The following UGT2B7 variants were observed in gnomAD, a reference collection of about 807,000 sequenced individuals.
UGT2B7 encodes the protein UDP-glucuronosyltransferase 2B7.
UGT2B7 carries 51 observed loss-of-function variants against 51.9 expected under a neutral mutation model. The ratio of observed to expected loss-of-function variants is 0.98; its 90% CI spans 0.78 to 1.24. The LOEUF (loss-of-function observed/expected upper bound fraction) is 1.24, where lower values mean the gene tolerates loss of function less well. UGT2B7 is among the 50% of genes most tolerant of loss of function. The pLI, the probability that UGT2B7 is intolerant of heterozygous loss-of-function variation, is 0.00. For missense variants in UGT2B7, 727 were observed against 628.4 expected, an observed-to-expected ratio of 1.16 and a Z score of -1.68; for synonymous variants, 225 against 211.6, an observed-to-expected ratio of 1.06 and a Z score of -0.55.
At chr4:69,106,345 T>A (rs1177818460) in intron 3 of UGT2B7, among the ~76,000 whole-genome samples, 2 of 152,178 alleles carry the variant, frequency 1.3e-5, no homozygotes, top group Non-Finnish European at 1.5e-5. Flanking sequence ...AGTGAGGACA[T>A]GCCATATTTA....
intron 2 of UGT2B7, among the ~76,000 whole-genome samples, chr4:69,100,384 T>C (rs941532820): frequency 6.6e-6 from 1 of 152,082 alleles, no homozygotes; most frequent in Non-Finnish European, 1.5e-5. Context: ...AATATCACAC[T>C]TTTAAGACAT....
rs191019321 is a variant in UGT2B7, at chr4:69,071,045, G to T, written c.-158-18427G>T. 4.3e-3 allele frequency among the ~76,000 whole-genome samples: 647 copies of T among 152,164 alleles called. 5 individuals carry two copies. Among genetic ancestry groups the T allele is most frequent in the African/African-American group, 0.015 (624 of 41,538 alleles). ...AGACTAAAGATGTTTTCCACATGAGGCCTTGAATACACTTGAGTTACTATT... is the reference window on the plus strand; with the variant it reads ...AGACTAAAGATGTTTTCCACATGAGTCCTTGAATACACTTGAGTTACTATT... On this transcript the variant is annotated intron_variant, in intron 1 of 5. Transcript: ENST00000502942.
At position 69,097,009 on chromosome 4, in the gene UGT2B7, AT is replaced by A. The variant is rs1719259841; in HGVS notation, c.492del (p.Phe164LeufsTer38). On this transcript the variant is annotated frameshift_variant, in exon 1 of 6. Coordinates refer to ENST00000305231, the MANE Select transcript of UGT2B7 (RefSeq NM_001074.4). LOFTEE classifies it high-confidence loss of function. ...CCTGTAGTGAGCTGCTGGCTGAGCT[AT>A]TTAACATACCCTTTGTGTACAGTCT... ...FPCSELLAEL[F>X]NIPFVYSLSF... The A allele has an allele frequency of 6.2e-7, 1 of 1,613,720 alleles. No individual in the cohort carries two copies.
At chr4:69,106,126 A>G (rs966824596) in intron 3 of UGT2B7, among the ~76,000 whole-genome samples, 2 of 152,142 alleles carry the variant, frequency 1.3e-5, no homozygotes, top group Non-Finnish European at 2.9e-5. Context: ...TTTTATTTTA[A>G]GTTCAAGGGG....
At chr4:69,103,327 G>A (rs1719486805) in intron 3 of UGT2B7, among the ~76,000 whole-genome samples, 1 of 151,920 alleles carries the variant, frequency 6.6e-6, no homozygotes. Context: ...AGCATCCACC[G>A]ACAGAAGTAA....
Position 69,076,336 on chromosome 4 carries a change from T to C in UGT2B7, c.-158-13136T>C, listed in dbSNP as rs140447752. ...CTGAGTCAAATGGTATTTCTAGTTC[T>C]AGATCCTTGAAGAATCACTACACTG... On this transcript the variant is annotated intron_variant, in intron 1 of 5. Transcript: ENST00000502942. Among the ~76,000 whole-genome samples the C allele has an allele frequency of 1.8e-3, 269 of 152,342 alleles. 1 individual carries two copies. Among genetic ancestry groups the C allele is most frequent in the African/African-American group, 6.2e-3 (256 of 41,574 alleles).
At chr4:69,094,829 A>G (rs149033173), upstream of UGT2B7, among the ~76,000 whole-genome samples, 600 of 152,336 alleles carry the variant, frequency 3.9e-3, 7 homozygotes, top group African/African-American at 0.014. Flanking sequence ...AATCCTCTCA[A>G]ACTCTAACGC....
At position 69,105,141 on chromosome 4, in the gene UGT2B7, G is replaced by A. The variant is rs1456209302; in HGVS notation, c.1003-2034G>A. Among the ~76,000 whole-genome samples, 5 of 152,084 alleles carry A rather than the reference G, an allele frequency of 3.3e-5. No individual in the cohort carries two copies. In the East Asian group the frequency reaches 9.6e-4, roughly 29 times the overall value. On this transcript the variant is annotated intron_variant, in intron 3 of 5. Transcript: ENST00000305231. ...TGCAGTATAAAATGTGGCCCCACAA[G>A]GACTCTGCACTATCAGATTAACAAC...
At chr4:69,077,670 G>A (rs7673294) in intron 1 of UGT2B7, among the ~76,000 whole-genome samples, 65,045 of 151,794 alleles carry the variant, frequency 0.43, 15,487 homozygotes, top group African/African-American at 0.64. Context: ...ATCAGCTTAA[G>A]GAGATTTGGG....
At position 69,085,872 on chromosome 4, in the gene UGT2B7, T is replaced by C. The variant is rs530136906; in HGVS notation, c.-158-3600T>C. 5.3e-5 allele frequency among the ~76,000 whole-genome samples: 8 copies of C among 152,036 alleles called. No homozygotes were observed. The South Asian group carries it at 1.4e-3, about 28-fold the overall frequency. ...TTGTATTTCTGTGTATCAGTTGTTATGTATCCTTTTCATCTCTCATTTTAT... is the reference window on the plus strand; with the variant it reads ...TTGTATTTCTGTGTATCAGTTGTTACGTATCCTTTTCATCTCTCATTTTAT... On this transcript the variant is annotated intron_variant, in intron 1 of 5. Coordinates refer to the UGT2B7 transcript ENST00000502942.
chr4:69,077,412 A>C (rs111746767), intron 1 of UGT2B7, among the ~76,000 whole-genome samples: 65,170 of 151,950 alleles, frequency 0.43, 15,523 homozygotes, highest in African/African-American at 0.64. Flanking sequence ...CTTCCTATCC[A>C]TGAGCATGGG....
intron 2 of UGT2B7, among the ~76,000 whole-genome samples, chr4:69,102,553 C>T (rs1719452629): frequency 6.6e-6 from 1 of 152,046 alleles, no homozygotes; most frequent in South Asian, 2.1e-4. Context: ...TTTCTTTTCT[C>T]CCTTACACAC....
intron 5 of UGT2B7, among the ~76,000 whole-genome samples, chr4:69,109,107 G>A (rs541889008): frequency 1.3e-5 from 2 of 151,516 alleles, no homozygotes; most frequent in South Asian, 2.1e-4. Context: ...TCTTTTTATA[G>A]CAGTTTAATA....
At position 69,112,579 on chromosome 4, in the gene UGT2B7, T is replaced by C; in HGVS notation, c.1433T>C (p.Val478Ala). 1 of 1,613,820 alleles carries C rather than the reference T, an allele frequency of 6.2e-7. No homozygotes were observed. ...MRHKGAKHLR[V>A]AAHDLTWFQY... ...CACAAAGGAGCTAAACACCTTCGGG[T>C]TGCAGCCCACGACCTCACCTGGTTC... The change falls in exon 6 of 6, where the codon GTT becomes GCT. Residue 478 changes from valine to alanine, a missense_variant. Physicochemically the swap from Val to Ala is moderately conservative, Grantham distance 64. Transcript: ENST00000305231.
rs1719819344 is a variant in UGT2B7, at chr4:69,112,764, C to A, written c.*28C>A. On this transcript the variant is annotated 3_prime_UTR_variant, in exon 6 of 6. Transcript: ENST00000305231. The stretch of plus-strand genomic sequence containing the variant: ...ATATCTGAGATTTGAAGCTGGAAAA[C>A]CTGATAGGTGAGACTACTTCAGTTT... 2 of 1,612,018 alleles carry A rather than the reference C, an allele frequency of 1.2e-6. No individual in the cohort carries two copies. Among genetic ancestry groups the A allele is most frequent in the Admixed American group, 3.3e-5 (2 of 59,720 alleles).
chr4:69,109,889 A>G (rs555437127), intron 5 of UGT2B7, among the ~76,000 whole-genome samples: 1 of 152,038 alleles, frequency 6.6e-6, no homozygotes, highest in African/African-American at 2.4e-5. Flanking sequence ...ATACTTTATC[A>G]CAAAAAAAGA....
upstream of UGT2B7, chr4:69,096,405 T>C: frequency 6.7e-7 from 1 of 1,498,690 alleles, no homozygotes; most frequent in Non-Finnish European, 9.0e-7. Context: ...ATATTGTATG[T>C]ACTTTGACTT....
At chr4:69,094,927 A>AT (rs1719180693), upstream of UGT2B7, among the ~76,000 whole-genome samples, 1 of 152,332 alleles carries the variant, frequency 6.6e-6, no homozygotes, top group Admixed American at 6.5e-5. Context: ...AGTAGATTCC[A>AT]TCTCAGGAAA....
chr4:69,108,499 ATACATC>A (rs371378236), intron 5 of UGT2B7, among the ~76,000 whole-genome samples, 177 bp downstream of exon 5: 7 of 151,846 alleles, frequency 4.6e-5, no homozygotes, highest in African/African-American at 1.4e-4. Context: ...TTTGAAACAC[ATACATC>A]TAAAGAATAG....
Sources: allele counts gnomAD v4.1 joint callset (sites outside exome capture counted in the v4.1 genomes callset), GRCh38; gene constraint gnomAD v4.1.1; transcripts MANE v1.5; gene names NCBI Gene and HGNC (gene_info 2026-07-23, HGNC 2026-07-21).